The following CNTNAP2 variants were observed in gnomAD, a reference collection of about 807,000 sequenced individuals.
CNTNAP2 encodes the protein contactin associated protein 2.
Under a neutral mutation model 155.2 loss-of-function variants are expected in CNTNAP2, and 98 were observed. The observed-to-expected ratio is 0.63, with a 90% CI of 0.54 to 0.75. The LOEUF (loss-of-function observed/expected upper bound fraction) is 0.75, where lower values mean the gene tolerates loss of function less well. Among genes scored for constraint, CNTNAP2 ranks in the 30% least tolerant of loss-of-function variants. The pLI, the probability that CNTNAP2 is intolerant of heterozygous loss-of-function variation, is 0.00. For missense variants in CNTNAP2, 1,727 were observed against 1,688.1 expected (o/e 1.02, Z -0.40); for synonymous variants, 651 against 631.2 (o/e 1.03, Z -0.47).
chr7:146,492,243 G>GAGAGAGAGAGAGAGAC (rs1272232474), intron 1 of CNTNAP2, among the ~76,000 whole-genome samples: 1 of 150,430 alleles, frequency 6.6e-6, no homozygotes, highest in Non-Finnish European at 1.5e-5. Flanking sequence ...GAGAGGGGGA[G>GAGAGAGAGAGAGAGAC]AGAGAGAGAG....
chr7:146,286,941 CAAAAA>C (rs1236216523), intron 1 of CNTNAP2, among the ~76,000 whole-genome samples: 1 of 152,052 alleles, frequency 6.6e-6, no homozygotes, highest in African/African-American at 2.4e-5. Context: ...CCTGCCTCTA[CAAAAA>C]CAAAACAAAG....
intron 5 of CNTNAP2, among the ~76,000 whole-genome samples, chr7:147,118,987 G>T: frequency 6.6e-6 from 1 of 152,092 alleles, no homozygotes; most frequent in Admixed American, 6.6e-5. Context: ...GCTACCAGGG[G>T]AAAATAGCCT....
At chr7:146,395,149 T>G (rs1795601403) in intron 1 of CNTNAP2, among the ~76,000 whole-genome samples, 3 of 152,220 alleles carry the variant, frequency 2.0e-5, no homozygotes, top group African/African-American at 7.2e-5. Flanking sequence ...CATCCACTGA[T>G]GGACACATAG....
At chr7:146,315,464 A>G (rs907204508) in intron 1 of CNTNAP2, among the ~76,000 whole-genome samples, 2 of 152,016 alleles carry the variant, frequency 1.3e-5, no homozygotes, top group African/African-American at 4.8e-5. Context: ...GTGTATCTCC[A>G]CTTTTTCTAC....
intron 9 of CNTNAP2, among the ~76,000 whole-genome samples, chr7:147,336,156 A>T (rs1460095189): frequency 1.3e-5 from 2 of 152,194 alleles, no homozygotes; most frequent in African/African-American, 4.8e-5. Context: ...ATTTCAGAAG[A>T]CAGATATGCT....
chr7:146,532,791 A>C (rs1296918790), intron 1 of CNTNAP2, among the ~76,000 whole-genome samples: 19 of 152,116 alleles, frequency 1.2e-4, no homozygotes, highest in Admixed American at 1.2e-3. Context: ...AGAGGGAATT[A>C]AGAGCAGAAT....
At chr7:147,048,838 TTA>T (rs1310006210) in intron 4 of CNTNAP2, among the ~76,000 whole-genome samples, 1 of 152,200 alleles carries the variant, frequency 6.6e-6, no homozygotes, top group Non-Finnish European at 1.5e-5. Flanking sequence ...CCTATAAAAG[TTA>T]TGTTTTAAGT....
intron 21 of CNTNAP2, among the ~76,000 whole-genome samples, chr7:148,317,394 C>T (rs1419066403): frequency 6.6e-6 from 1 of 151,938 alleles, no homozygotes; most frequent in African/African-American, 2.4e-5. Context: ...TTTGAGGAAG[C>T]ATACTAGAAA....
chr7:147,523,938 G>T (rs1799272424), intron 11 of CNTNAP2, among the ~76,000 whole-genome samples: 1 of 152,152 alleles, frequency 6.6e-6, no homozygotes, highest in Non-Finnish European at 1.5e-5. Context: ...AAGCACGGAG[G>T]TCAAACAGTT....
At chr7:146,351,455 A>T (rs1397136681) in intron 1 of CNTNAP2, among the ~76,000 whole-genome samples, 6 of 152,150 alleles carry the variant, frequency 3.9e-5, no homozygotes, top group African/African-American at 9.7e-5. Context: ...AACAGCAAAA[A>T]TGCTTCATGT....
chr7:148,178,881 C>T (rs1794988121), intron 18 of CNTNAP2, among the ~76,000 whole-genome samples: 1 of 152,134 alleles, frequency 6.6e-6, no homozygotes, highest in South Asian at 2.1e-4. Context: ...TTAATCCTTC[C>T]CTAATAGCTT....
At chr7:147,173,831 T>C (rs1409058108) in intron 8 of CNTNAP2, among the ~76,000 whole-genome samples, 1 of 152,162 alleles carries the variant, frequency 6.6e-6, no homozygotes, top group Admixed American at 6.5e-5. Context: ...ACGTTGCTGC[T>C]AACTGCAGCG....
intron 1 of CNTNAP2, among the ~76,000 whole-genome samples, chr7:146,381,276 C>T (rs1353897426): frequency 6.6e-6 from 1 of 152,142 alleles, no homozygotes; most frequent in Non-Finnish European, 1.5e-5. Context: ...ATCTATTAGG[C>T]TTTTGTTCAC....
intron 15 of CNTNAP2, among the ~76,000 whole-genome samples, chr7:148,104,708 G>A (rs1804173053): frequency 6.6e-6 from 1 of 152,178 alleles, no homozygotes; most frequent in African/African-American, 2.4e-5. Flanking sequence ...CACAGGGCTG[G>A]CAGTTCTCAG....
intron 1 of CNTNAP2, among the ~76,000 whole-genome samples, chr7:146,736,263 C>T (rs576187825): frequency 4.5e-4 from 69 of 152,042 alleles, no homozygotes; most frequent in Non-Finnish European, 8.5e-4. Flanking sequence ...TAATCTTCTG[C>T]GGATACCAAA....
chr7:148,409,833 C>CT (rs1563077702), intron 23 of CNTNAP2, among the ~76,000 whole-genome samples: 37 of 93,774 alleles, frequency 3.9e-4, no homozygotes, highest in Non-Finnish European at 5.1e-4. Flanking sequence ...GGGCGGATCA[C>CT]AAGGTCAGGA....
At chr7:147,333,528 C>T (rs758514020) in intron 9 of CNTNAP2, among the ~76,000 whole-genome samples, 19 of 152,062 alleles carry the variant, frequency 1.2e-4, no homozygotes, top group South Asian at 4.2e-4. Context: ...ATAAAAGAAC[C>T]AAACCACTAT....
At position 146,440,113 on chromosome 7, in the gene CNTNAP2, G is replaced by A. The variant is rs1054433538; in HGVS notation, c.97+323140G>A. Among the ~76,000 whole-genome samples, 11 of 151,534 alleles carry A rather than the reference G, an allele frequency of 7.3e-5. 1 individual carries two copies. The highest frequency in any genetic ancestry group is 1.0e-4 in the Non-Finnish European group (7 of 68,026). Reference sequence around the variant, plus strand: ...CACTGCCCTGTGGGCAACAGAGAGCGACTCCATCTCAAAACAAAACAAAAC... The same window carrying A: ...CACTGCCCTGTGGGCAACAGAGAGCAACTCCATCTCAAAACAAAACAAAAC... On this transcript the variant is annotated intron_variant, in intron 1 of 23. Transcript: ENST00000361727.
chr7:148,305,200 G>A (rs1279894097), intron 21 of CNTNAP2, among the ~76,000 whole-genome samples: 4 of 128,440 alleles, frequency 3.1e-5, no homozygotes, highest in Non-Finnish European at 4.7e-5. Flanking sequence ...TCCAGCCTGG[G>A]TGAAAGACCA....
Sources: allele counts gnomAD v4.1 joint callset (sites outside exome capture counted in the v4.1 genomes callset), GRCh38; gene constraint gnomAD v4.1.1; transcripts MANE v1.5; gene names NCBI Gene and HGNC (gene_info 2026-07-23, HGNC 2026-07-21).